ZNF536: variants seen among roughly 807,000 people sequenced by gnomAD.
ZNF536 encodes zinc finger protein 536.
Under a neutral mutation model 84.5 loss-of-function variants are expected in ZNF536, and 13 were observed. The ratio of observed to expected loss-of-function variants is 0.15; its 90% CI spans 0.10 to 0.24. ZNF536 has a LOEUF of 0.24. Among genes scored for constraint, ZNF536 ranks in the 10% least tolerant of loss-of-function variants. The probability of loss-of-function intolerance (pLI) is 1.00; values close to 1 mark genes in which losing one functional copy is unlikely to be tolerated. For missense variants in ZNF536, 1,536 were observed against 1,747.5 expected, an observed-to-expected ratio of 0.88 and a Z score of 2.16; for synonymous variants, 811 against 742.5, an observed-to-expected ratio of 1.09 and a Z score of -1.50.
At position 30,549,101 on chromosome 19, in the gene ZNF536, T is replaced by G. The variant is rs755360535; in HGVS notation, c.3482T>G (p.Leu1161Arg). 4.5e-5 allele frequency: 73 copies of G among 1,614,102 alleles called. No individual in the cohort carries two copies. The highest frequency in any genetic ancestry group is 6.1e-5 in the Non-Finnish European group (72 of 1,180,036). ...ACGAGTAAGAACACTACTGATGACC[T>G]CTCTGACATTGCCTCCTCAGAGGAC... ...ETTSKNTTDD[L>R]SDIASSEDMD... Residue 1161 changes from leucine (L) to arginine (R), a missense_variant, in exon 4 of 5, where the codon CTC becomes CGC. This residue lies in a region of ZNF536 where 624 missense variants were observed against 603.1 expected (regional missense o/e 1.03). Transcript: ENST00000355537.
intron 1 of ZNF536, among the ~76,000 whole-genome samples, chr19:30,644,747 T>G (rs559092967): frequency 5.9e-5 from 9 of 152,266 alleles, no homozygotes; most frequent in Non-Finnish European, 1.3e-4. Context: ...GTGCCACATT[T>G]TCTTAATCCA....
intron 2 of ZNF536, among the ~76,000 whole-genome samples, chr19:30,313,609 A>T (rs540735184): frequency 2.3e-4 from 35 of 152,130 alleles, no homozygotes; most frequent in Admixed American, 1.0e-3. Context: ...AGGGCCAGAG[A>T]TCCCTGTCCA....
chr19:30,649,307 C>T (rs2049606374), intron 1 of ZNF536, among the ~76,000 whole-genome samples: 1 of 152,162 alleles, frequency 6.6e-6, no homozygotes, highest in South Asian at 2.1e-4. Flanking sequence ...CCAGTAGAAA[C>T]AGCGTTTGGA....
At chr19:30,350,716 G>C (rs1273036733) in intron 2 of ZNF536, among the ~76,000 whole-genome samples, 1 of 152,182 alleles carries the variant, frequency 6.6e-6, no homozygotes, top group Non-Finnish European at 1.5e-5. Flanking sequence ...AAATTTAAGT[G>C]TTAATTTTTA....
intron 1 of ZNF536, among the ~76,000 whole-genome samples, chr19:30,410,428 A>C (rs541723869): frequency 1.3e-5 from 2 of 150,916 alleles, no homozygotes; most frequent in South Asian, 4.2e-4. Context: ...AACTTTAAAA[A>C]ATTATTTGAA....
intron 2 of ZNF536, among the ~76,000 whole-genome samples, chr19:30,468,853 G>A (rs1030354720): frequency 1.3e-5 from 2 of 152,136 alleles, no homozygotes; most frequent in Admixed American, 1.3e-4. Flanking sequence ...GGCTTTGGGG[G>A]TGCAGGTGCA....
chr19:30,627,018 T>A (rs1411491726), intron 1 of ZNF536, among the ~76,000 whole-genome samples: 2 of 152,164 alleles, frequency 1.3e-5, no homozygotes, highest in African/African-American at 4.8e-5. Flanking sequence ...TGGGGAGTAC[T>A]GGGCTCTGGA....
exon 2 of ZNF536, chr19:30,712,442 AG>A (rs2052481886): frequency 6.6e-6 from 1 of 151,592 alleles, no homozygotes; most frequent in Admixed American, 6.6e-5. Context: ...AAAAAAAAAA[AG>A]GTCAATATTT....
Position 30,549,374 on chromosome 19 carries a change from A to T in ZNF536, c.3755A>T (p.Glu1252Val), listed in dbSNP as rs1453367726. Residue 1252 changes from glutamate to valine, a missense_variant, in exon 4 of 5, where the codon GAG becomes GTG. Physicochemically the swap from Glu to Val is moderately radical, Grantham distance 121 (BLOSUM62 -2). Coordinates refer to ENST00000355537, the MANE Select transcript of ZNF536 (RefSeq NM_014717.3). ...CCCTTGGCGGGCCTGCCAAAGCCGGAGCGGGGGCCCCAGAGCCTGGACAAG... is the reference window on the plus strand; with the variant it reads ...CCCTTGGCGGGCCTGCCAAAGCCGGTGCGGGGGCCCCAGAGCCTGGACAAG... ...QDPLAGLPKP[E>V]RGPQSLDKPM... is the part of the protein sequence containing the mutation. The T allele has an allele frequency of 2.5e-6, 4 of 1,598,536 alleles. No homozygotes were observed. Among genetic ancestry groups the T allele is most frequent in the Non-Finnish European group, 3.4e-6 (4 of 1,172,036 alleles).
intron 2 of ZNF536, among the ~76,000 whole-genome samples, chr19:30,323,287 C>A (rs1226286487): frequency 6.6e-6 from 1 of 152,166 alleles, no homozygotes; most frequent in East Asian, 1.9e-4. Context: ...CCCTTTATCC[C>A]TTCCTTTCTT....
chr19:30,258,525 G>T (rs1253090324), intron 1 of ZNF536, among the ~76,000 whole-genome samples: 1 of 152,166 alleles, frequency 6.6e-6, no homozygotes, highest in East Asian at 1.9e-4. Context: ...TACATTAACT[G>T]TGTTATGGAA....
chr19:30,439,992 G>C (rs1327145438), intron 1 of ZNF536, among the ~76,000 whole-genome samples: 1 of 116,524 alleles, frequency 8.6e-6, no homozygotes, highest in Non-Finnish European at 1.6e-5. Context: ...ACAGAGTCTC[G>C]CTCTGTTGCC....
chr19:30,631,339 C>A (rs1297838279), intron 1 of ZNF536, among the ~76,000 whole-genome samples: 1 of 152,192 alleles, frequency 6.6e-6, no homozygotes, highest in Non-Finnish European at 1.5e-5. Context: ...GGAAATCCGA[C>A]TGCTGGCACT....
rs538740815 is a variant in ZNF536, at chr19:30,357,191, G to T, written c.-3+4707G>T. On this transcript the variant is annotated intron_variant, in intron 3 of 5. Coordinates refer to the ZNF536 transcript ENST00000585628. ...GGGTAGTATCTGTACTTGAGAGAGG[G>T]TAGGTGGTCAGGGGAGGCCCCCCTA... is the stretch of plus-strand genomic sequence containing the variant. 2.2e-4 allele frequency among the ~76,000 whole-genome samples: 33 copies of T among 152,370 alleles called. No homozygotes were observed. The South Asian group carries it at 6.0e-3, about 28-fold the overall frequency.
chr19:30,364,857 AG>A (rs1371086571), intron 3 of ZNF536, among the ~76,000 whole-genome samples: 2 of 152,222 alleles, frequency 1.3e-5, no homozygotes, highest in African/African-American at 2.4e-5. Context: ...GGGTGATACA[AG>A]GGGTATATGC....
At chr19:30,680,719 G>A (rs2050935103) in intron 1 of ZNF536, among the ~76,000 whole-genome samples, 2 of 152,140 alleles carry the variant, frequency 1.3e-5, no homozygotes, top group Non-Finnish European at 2.9e-5. Context: ...ACATACATGT[G>A]TATGTGTCTT....
At chr19:30,533,663 A>G (rs1340588233) in intron 2 of ZNF536, among the ~76,000 whole-genome samples, 1 of 152,250 alleles carries the variant, frequency 6.6e-6, no homozygotes, top group Non-Finnish European at 1.5e-5. Context: ...CTTGGAAGGC[A>G]CAGATCTTAT....
intron 2 of ZNF536, among the ~76,000 whole-genome samples, chr19:30,345,858 C>T (rs2146626440): frequency 6.6e-6 from 1 of 152,268 alleles, no homozygotes; most frequent in African/African-American, 2.4e-5. Context: ...GAATCAGTGG[C>T]AGAGCTGGAG....
At chr19:30,713,423 G>A (rs1269528536) in exon 2 of ZNF536, 1 of 152,186 alleles carries the variant, frequency 6.6e-6, no homozygotes. Flanking sequence ...TGCTATGCTT[G>A]TAACAAGTAG....
Sources: gnomAD v4.1 joint callset for allele counts (sites outside exome capture counted in the v4.1 genomes callset) on GRCh38, gnomAD v4.1.1 for gene constraint, gnomAD v4.1.1 regional missense constraint, MANE v1.5 for transcripts, NCBI Gene and HGNC (gene_info 2026-07-23, HGNC 2026-07-21) for gene names.